The following CRIPT variants were observed in gnomAD, a reference collection of about 807,000 sequenced individuals.
CRIPT encodes CXXC repeat containing interactor of PDZ3 domain.
In CRIPT, 20 loss-of-function variants were observed where a neutral mutation model predicts 16.6. That is an observed-to-expected ratio of 1.20 (90% confidence interval 0.85 to 1.75). CRIPT has a LOEUF of 1.75. Ranked by LOEUF, CRIPT falls within the 40% of genes most tolerant of loss-of-function variation. The probability of loss-of-function intolerance (pLI) is 0.00; values close to 1 mark genes in which losing one functional copy is unlikely to be tolerated. For missense variants in CRIPT, 133 were observed against 115.3 expected (o/e 1.15, Z -0.70); for synonymous variants, 42 against 37.0 (o/e 1.14, Z -0.49).
intron 1 of CRIPT, among the ~76,000 whole-genome samples, chr2:46,618,450 T>C (rs1195334160): frequency 2.0e-5 from 3 of 152,234 alleles, no homozygotes; most frequent in African/African-American, 7.2e-5. Flanking sequence ...ACTTCATTTT[T>C]CTCAGCACTT....
rs1243209659 is a variant in CRIPT, at chr2:46,625,514, T to G, written c.*1287T>G. 1 of 151,918 alleles carries G rather than the reference T, an allele frequency of 6.6e-6. No homozygotes were observed. The highest frequency in any genetic ancestry group is 1.5e-5 in the Non-Finnish European group (1 of 68,010). 9.4% of individuals were successfully genotyped at this position (151,918 alleles called of 1,614,324 possible). The stretch of plus-strand genomic sequence containing the variant: ...GGGAAACCAAAAAAGCATTCCCTAT[T>G]TCCAACTGCAGTATGTATAAATACA... On this transcript the variant is annotated 3_prime_UTR_variant, in exon 5 of 5. Transcript: ENST00000238892.
At chr2:46,617,621 G>A (rs995910314) in intron 1 of CRIPT, among the ~76,000 whole-genome samples, 2 of 152,042 alleles carry the variant, frequency 1.3e-5, no homozygotes, top group African/African-American at 4.8e-5. Flanking sequence ...GGCAATTCTT[G>A]ATCTTTCCTT....
rs1670943932 is a variant in CRIPT, at chr2:46,626,568, C to T, written c.*2341C>T. Among the ~76,000 whole-genome samples the T allele has an allele frequency of 6.6e-6, 1 of 152,174 alleles. No homozygotes were observed. The stretch of plus-strand genomic sequence containing the variant: ...TTTCCATCAGTGTAGGCGCATTCTA[C>T]ACTGCACTGGCTTCTACAGTGTTGA... On this transcript the variant is annotated 3_prime_UTR_variant, in exon 5 of 5. Transcript: ENST00000238892.
rs151047823 is a variant in CRIPT at position 46,623,695 on chromosome 2, G to A, written c.138-69G>A. 1.8e-3 allele frequency: 1,472 copies of A among 808,562 alleles called. 13 individuals carry two copies. The African/African-American group carries it at 0.022, about 12-fold the overall frequency. 50.1% of individuals were successfully genotyped at this position (808,562 alleles called of 1,614,324 possible). ...AGCATGGATTAATCCTGTGTGTTGC[G>A]TAAGTGGGGTTATTTAAGAGTGTTT... On this transcript the variant is annotated intron_variant, in intron 3 of 4. Transcript: ENST00000238892.
rs1028837758 is a variant in CRIPT at position 46,628,900 on chromosome 2, A to G, written c.*4673A>G. Among the ~76,000 whole-genome samples, 6 of 152,234 alleles carry G rather than the reference A, an allele frequency of 3.9e-5. No individual in the cohort carries two copies. The highest frequency in any genetic ancestry group is 2.6e-4 in the Admixed American group (4 of 15,284). On this transcript the variant is annotated 3_prime_UTR_variant, in exon 5 of 5. Transcript: ENST00000238892. ...CCACAGCCAGAGTTGAAAAATGCAG[A>G]AAAAAAGTTTAAAAACAAGGAATTA...
At chr2:46,624,057 C>A in intron 4 of CRIPT, 106 bp from the exon 5 acceptor site, 2 of 542,400 alleles carry the variant, frequency 3.7e-6, no homozygotes, top group Non-Finnish European at 5.8e-6. Context: ...TTTTTCTTTT[C>A]TTTTCTTTCC....
intron 3 of CRIPT, 140 bp downstream of exon 3, chr2:46,619,821 T>A: frequency 1.7e-6 from 1 of 592,544 alleles, no homozygotes; most frequent in Non-Finnish European, 3.0e-6. Flanking sequence ...CCAAGCTATC[T>A]GTTATAATCC....
chr2:46,621,007 A>G (rs553310879), intron 3 of CRIPT, among the ~76,000 whole-genome samples: 1 of 152,182 alleles, frequency 6.6e-6, no homozygotes, highest in African/African-American at 2.4e-5. Context: ...GTAACCTGAA[A>G]CCACCTGCTT....
chr2:46,620,794 G>A (rs1001699347), intron 3 of CRIPT, among the ~76,000 whole-genome samples: 6 of 150,678 alleles, frequency 4.0e-5, no homozygotes, highest in African/African-American at 1.5e-4. Context: ...AGCTCTAAAC[G>A]TATATCTAGC....
rs149121324 is a variant in CRIPT, at chr2:46,621,571, C to G, written c.137+1890C>G. 7.1e-4 allele frequency among the ~76,000 whole-genome samples: 108 copies of G among 152,292 alleles called. 1 individual carries two copies. The highest frequency in any genetic ancestry group is 2.4e-3 in the African/African-American group (99 of 41,548). On this transcript the variant is annotated intron_variant, in intron 3 of 4. Coordinates refer to ENST00000238892, the MANE Select transcript of CRIPT (RefSeq NM_014171.6). ...TTTTATTAGATTGTCTGTTTCCTTA[C>G]TTACTGTTTACCTCTTCTCACTACA...
At chr2:46,618,861 G>T in intron 2 of CRIPT, 23 bp downstream of exon 2, 1 of 1,444,718 alleles carries the variant, frequency 6.9e-7, no homozygotes, top group Non-Finnish European at 9.7e-7. Flanking sequence ...TTAGAAAATA[G>T]GAATTTAACC....
chr2:46,620,949 C>G (rs767791002), intron 3 of CRIPT, among the ~76,000 whole-genome samples: 1 of 151,984 alleles, frequency 6.6e-6, no homozygotes, highest in Non-Finnish European at 1.5e-5. Context: ...TCCCCTACTT[C>G]CCCTATCCAT....
chr2:46,628,510 A>T lies in CRIPT; in HGVS notation c.*4283A>T, dbSNP rs1183798997. Among the ~76,000 whole-genome samples the T allele has an allele frequency of 6.6e-6, 1 of 152,202 alleles. No individual in the cohort carries two copies. The highest frequency in any genetic ancestry group is 1.5e-5 in the Non-Finnish European group (1 of 68,034). The stretch of plus-strand genomic sequence containing the variant: ...CAGTATGGCCATTTTAATGATATTG[A>T]TTCTTCTAGCTCATGAGCTTGGAAT... On this transcript the variant is annotated 3_prime_UTR_variant, in exon 5 of 5. Coordinates refer to ENST00000238892, the MANE Select transcript of CRIPT (RefSeq NM_014171.6).
intron 3 of CRIPT, among the ~76,000 whole-genome samples, chr2:46,623,046 G>A (rs1209283580): frequency 6.6e-6 from 1 of 151,922 alleles, no homozygotes; most frequent in Non-Finnish European, 1.5e-5. Context: ...CTATAAGATG[G>A]CATTTTTATA....
In CRIPT at chr2:46,628,436, A is replaced by G. The variant is rs932608766; in HGVS notation, c.*4209A>G. Among the ~76,000 whole-genome samples, 34 of 152,194 alleles carry G rather than the reference A, an allele frequency of 2.2e-4. No individual in the cohort carries two copies. The highest frequency in any genetic ancestry group is 2.1e-3 in the Admixed American group (32 of 15,282). On this transcript the variant is annotated 3_prime_UTR_variant, in exon 5 of 5. Transcript: ENST00000238892. ...GATTTTTCTAATTCTGTGAAAAATGATGTTTGTAGTTTGATAGGAATAGCA... is the reference window on the plus strand; with the variant it reads ...GATTTTTCTAATTCTGTGAAAAATGGTGTTTGTAGTTTGATAGGAATAGCA...
chr2:46,618,289 G>T (rs1306395214), intron 1 of CRIPT, among the ~76,000 whole-genome samples: 1 of 143,884 alleles, frequency 7.0e-6, no homozygotes, highest in Non-Finnish European at 1.5e-5. Flanking sequence ...ATAGACTCTT[G>T]CCAGGAAAAA....
chr2:46,617,986 TA>T (rs1670707154), intron 1 of CRIPT, among the ~76,000 whole-genome samples: 1 of 150,768 alleles, frequency 6.6e-6, no homozygotes, highest in South Asian at 2.1e-4. Context: ...ATGTGTACTC[TA>T]AGCTTTCTAT....
At position 46,618,905 on chromosome 2, in the gene CRIPT, C is replaced by T. The variant is rs534089986; in HGVS notation, c.82+67C>T. On this transcript the variant is annotated intron_variant, in intron 2 of 4. Transcript: ENST00000238892. ...ACTGTGAATAATACCTTAGTTTTTA[C>T]ATTATTTGTACAATGAAATGTTATG... is the stretch of plus-strand genomic sequence containing the variant. 478 of 969,226 alleles carry T rather than the reference C, an allele frequency of 4.9e-4. 1 individual carries two copies. In the African/African-American group the frequency reaches 6.4e-3, roughly 13 times the overall value. The allele number at this position is 969,226 out of a possible 1,614,324, so 60.0% of individuals were successfully genotyped here.
intron 3 of CRIPT, 69 bp downstream of exon 3, chr2:46,619,750 ATT>A: frequency 1.7e-6 from 2 of 1,177,904 alleles, no homozygotes; most frequent in Non-Finnish European, 2.5e-6. Flanking sequence ...GCTGGAGTGA[ATT>A]TGATGTGCAT....
Sources: allele counts gnomAD v4.1 joint callset (sites outside exome capture counted in the v4.1 genomes callset), GRCh38; gene constraint gnomAD v4.1.1; transcripts MANE v1.5; gene names NCBI Gene and HGNC (gene_info 2026-07-23, HGNC 2026-07-21).